Variants in DTNA observed in about 807,000 individuals in gnomAD.
The protein encoded by DTNA is dystrobrevin alpha, also known as dystrophin-related protein 3.
A neutral mutation model predicts 100.7 loss-of-function variants in DTNA; 43 were observed. That is an observed-to-expected ratio of 0.43 (90% CI 0.33 to 0.55). The LOEUF is 0.55. Among genes scored for constraint, DTNA ranks in the 20% least tolerant of loss-of-function variants. DTNA has a pLI of 0.04. For missense variants in DTNA, 798 were observed against 953.9 expected (o/e 0.84, Z 2.15); for synonymous variants, 349 against 347.9 (o/e 1.00, Z -0.04).
At chr18:34,753,344 T>G (rs542439332) in intron 1 of DTNA, among the ~76,000 whole-genome samples, 14 of 130,400 alleles carry the variant, frequency 1.1e-4, no homozygotes, top group Non-Finnish European at 2.1e-4. Context: ...GTGATTTATT[T>G]ATTTATTTAT....
intron 1 of DTNA, among the ~76,000 whole-genome samples, chr18:34,595,702 T>C (rs2050454917): frequency 6.6e-6 from 1 of 152,218 alleles, no homozygotes; most frequent in African/African-American, 2.4e-5. Flanking sequence ...TTTGACTCTA[T>C]GCTGGAAATG....
At chr18:34,514,537 A>G (rs536397662) in intron 1 of DTNA, among the ~76,000 whole-genome samples, 1 of 152,300 alleles carries the variant, frequency 6.6e-6, no homozygotes, top group African/African-American at 2.4e-5. Flanking sequence ...GCAGTATTAA[A>G]GAAGAAATGG....
chr18:34,824,493 T>G (rs2095806428), intron 9 of DTNA, among the ~76,000 whole-genome samples: 2 of 152,092 alleles, frequency 1.3e-5, no homozygotes, highest in South Asian at 4.2e-4. Context: ...AAAAAAAATT[T>G]TTTTTACTAC....
intron 1 of DTNA, among the ~76,000 whole-genome samples, chr18:34,496,857 C>A (rs1455849378): frequency 6.6e-6 from 1 of 152,142 alleles, no homozygotes; most frequent in East Asian, 1.9e-4. Flanking sequence ...TTCCAGTAAT[C>A]TTTTCCTAAA....
chr18:34,677,530 A>G (rs1211884653), intron 1 of DTNA, among the ~76,000 whole-genome samples: 1 of 152,138 alleles, frequency 6.6e-6, no homozygotes, highest in Non-Finnish European at 1.5e-5. Flanking sequence ...ATATACATAG[A>G]TATAGCCTAA....
chr18:34,634,011 C>T (rs1040029065), intron 1 of DTNA, among the ~76,000 whole-genome samples: 1 of 152,134 alleles, frequency 6.6e-6, no homozygotes, highest in African/African-American at 2.4e-5. Context: ...CAGGAGAAAA[C>T]AGATGTGCTT....
At chr18:34,785,829 A>ACCTG (rs145578065) in intron 3 of DTNA, among the ~76,000 whole-genome samples, 1 of 6,928 alleles carries the variant, frequency 1.4e-4, no homozygotes, top group East Asian at 0.05. Context: ...GTGATTAGGG[A>ACCTG]CCTATTTTGT....
intron 1 of DTNA, among the ~76,000 whole-genome samples, chr18:34,674,158 A>G (rs1294640319): frequency 1.3e-5 from 2 of 152,240 alleles, no homozygotes; most frequent in Non-Finnish European, 2.9e-5. Flanking sequence ...TGATGCAGCC[A>G]GTCTCAAAGG....
At chr18:34,590,958 C>T (rs1308547029) in intron 1 of DTNA, among the ~76,000 whole-genome samples, 1 of 152,022 alleles carries the variant, frequency 6.6e-6, no homozygotes, top group Non-Finnish European at 1.5e-5. Flanking sequence ...CTAAGACTGG[C>T]ACAAATGGAA....
intron 1 of DTNA, among the ~76,000 whole-genome samples, chr18:34,751,031 T>G (rs1156645650): frequency 6.6e-6 from 1 of 152,218 alleles, no homozygotes; most frequent in Non-Finnish European, 1.5e-5. Context: ...GGGCAAAGAG[T>G]TGGAGCCATC....
Position 34,519,600 on chromosome 18 carries a change from G to C in DTNA, c.-2+26086G>C, listed in dbSNP as rs550046248. On this transcript the variant is annotated intron_variant, in intron 1 of 19. Transcript: ENST00000283365. The stretch of plus-strand genomic sequence containing the variant: ...TGTAATGAAGGTTTAGCACATGTTA[G>C]TTCCTTTATTCCTACAAGATACTTT... Among the ~76,000 whole-genome samples, 8 of 152,216 alleles carry C rather than the reference G, an allele frequency of 5.3e-5. No homozygotes were observed. In the South Asian group the frequency reaches 1.5e-3, roughly 28 times the overall value.
chr18:34,659,433 A>G (rs969870500), intron 1 of DTNA, among the ~76,000 whole-genome samples: 6 of 152,130 alleles, frequency 3.9e-5, no homozygotes, highest in East Asian at 3.9e-4. Flanking sequence ...CAACTGCTCA[A>G]TAGCCACATG....
chr18:34,664,971 A>ATCT (rs897941629), intron 1 of DTNA, among the ~76,000 whole-genome samples: 9 of 150,986 alleles, frequency 6.0e-5, no homozygotes, highest in African/African-American at 2.2e-4. Context: ...TCTATCTTCT[A>ATCT]TCTTCTTCTT....
intron 1 of DTNA, among the ~76,000 whole-genome samples, chr18:34,559,400 A>G (rs538649426): frequency 9.2e-5 from 14 of 152,358 alleles, no homozygotes; most frequent in Admixed American, 2.6e-4. Context: ...ATGGGCGTTT[A>G]AATGTGTGCA....
chr18:34,883,719 C>G (rs139472153), intron 21 of DTNA, among the ~76,000 whole-genome samples: 2 of 152,144 alleles, frequency 1.3e-5, no homozygotes, highest in South Asian at 4.2e-4. Flanking sequence ...ATAGATAAAG[C>G]CTTGAAATAT....
intron 1 of DTNA, among the ~76,000 whole-genome samples, chr18:34,716,870 T>G (rs566587829): frequency 6.6e-6 from 1 of 152,280 alleles, no homozygotes; most frequent in Admixed American, 6.5e-5. Context: ...TCATATCAAG[T>G]GGGAAGGGTA....
At chr18:34,809,730 T>A (rs1484796014) in intron 5 of DTNA, among the ~76,000 whole-genome samples, 1 of 152,212 alleles carries the variant, frequency 6.6e-6, no homozygotes, top group Admixed American at 6.5e-5. Context: ...AATAACTGGC[T>A]GAAAATAAGT....
intron 17 of DTNA, 132 bp downstream of exon 17, chr18:34,864,194 G>T: frequency 2.8e-6 from 2 of 707,320 alleles, no homozygotes; most frequent in Non-Finnish European, 4.7e-6. Flanking sequence ...AAGCTCAGAT[G>T]TAAAACAATT....
At chr18:34,725,419 C>T (rs1330016849) in intron 1 of DTNA, among the ~76,000 whole-genome samples, 1 of 151,046 alleles carries the variant, frequency 6.6e-6, no homozygotes, top group Non-Finnish European at 1.5e-5. Context: ...AAAACAACCC[C>T]ATCAAAAAGT....
Sources: allele counts gnomAD v4.1 joint callset (sites outside exome capture counted in the v4.1 genomes callset), GRCh38; gene constraint gnomAD v4.1.1; transcripts MANE v1.5; gene names NCBI Gene and HGNC (gene_info 2026-07-23, HGNC 2026-07-21).